ZNF41: variants seen among roughly 807,000 people sequenced by gnomAD.
ZNF41 encodes the protein zinc finger protein 41.
A neutral mutation model predicts 9.3 loss-of-function variants in ZNF41; 6 were observed. The observed-to-expected ratio is 0.65, with a 90% CI of 0.35 to 1.28. The LOEUF (loss-of-function observed/expected upper bound fraction) is 1.28. Among genes scored for constraint, ZNF41 ranks in the 50% most tolerant of loss-of-function variants. The pLI is 0.03. For missense variants in ZNF41, 523 were observed against 585.8 expected, an observed-to-expected ratio of 0.89 and a Z score of 1.11; for synonymous variants, 192 against 207.1, an observed-to-expected ratio of 0.93 and a Z score of 0.63.
At position 47,445,981 on chromosome X, in the gene ZNF41, GGGGCTTGCCTGGAA is replaced by G. The variant is rs1043957134; in HGVS notation, c.*1435_*1448del. The G allele has an allele frequency of 9.0e-6, 1 of 111,165 alleles. No homozygotes were observed. The highest frequency in any genetic ancestry group is 3.3e-5 in the African/African-American group (1 of 30,589). 9.2% of individuals were successfully genotyped at this position (111,165 alleles called of 1,213,427 possible). ...GAAGCCAGGATAATGTATACCCTTG[GGGGCTTGCCTGGAA>G]GGGAAAGTGGGGAAGGCTTCTGGGG... is the stretch of plus-strand genomic sequence containing the variant. On this transcript the variant is annotated 3_prime_UTR_variant, in exon 5 of 5. Transcript: ENST00000684689.
chrX:47,479,410 C>A (rs1439921874), intron 1 of ZNF41, among the ~76,000 whole-genome samples: 1 of 111,494 alleles, frequency 9.0e-6, no homozygotes, highest in Non-Finnish European at 1.9e-5. Flanking sequence ...TAGCAAATAC[C>A]CTCTATTAAA....
intron 2 of ZNF41, among the ~76,000 whole-genome samples, chrX:47,466,784 T>C (rs1211519095): frequency 9.0e-6 from 1 of 111,013 alleles, no homozygotes; most frequent in Non-Finnish European, 1.9e-5. Flanking sequence ...CTCCCAAAGG[T>C]GCTGGGATTA....
intron 1 of ZNF41, among the ~76,000 whole-genome samples, chrX:47,469,736 G>A (rs2057123715): frequency 9.0e-6 from 1 of 111,280 alleles, no homozygotes; most frequent in African/African-American, 3.3e-5. Flanking sequence ...CAGGCGTGGT[G>A]GCACGCACCT....
rs376588941 is a variant in ZNF41 at position 47,456,213 on chromosome X, C to T, written c.199+59G>A. 21 of 1,191,950 alleles carry T rather than the reference C, an allele frequency of 1.8e-5. No homozygotes were observed. The African/African-American group carries it at 2.3e-4, about 13-fold the overall frequency. ...CACATAGGTTAGGTGTCGGGCAGCA[C>T]TCAGCAGCCAAGAATGGAAATACCC... On this transcript the variant is annotated intron_variant, in intron 3 of 4. Transcript: ENST00000684689.
Position 47,446,544 on chromosome X carries a change from T to C in ZNF41, c.*886A>G, listed in dbSNP as rs2056120573. 1 of 109,716 alleles carries C rather than the reference T, an allele frequency of 9.1e-6. No individual in the cohort carries two copies. The highest frequency in any genetic ancestry group is 3.9e-4 in the South Asian group (1 of 2,551). 9.0% of individuals were successfully genotyped at this position (109,716 alleles called of 1,213,427 possible). ...GTGCCGTGGATCAGTTCCATTGTCG[T>C]AGGGTCAGTTACTGAGGGAATCAGG... On this transcript the variant is annotated 3_prime_UTR_variant, in exon 5 of 5. Transcript: ENST00000684689.
chrX:47,455,802 C>T, intron 4 of ZNF41, 119 bp downstream of exon 4: 3 of 682,877 alleles, frequency 4.4e-6, no homozygotes, highest in Non-Finnish European at 7.0e-6. Flanking sequence ...CCAATTGACT[C>T]CAAAAGTTTA....
chrX:47,460,732 G>GAA (rs1046853187), intron 2 of ZNF41, among the ~76,000 whole-genome samples: 5 of 112,129 alleles, frequency 4.5e-5, no homozygotes, highest in African/African-American at 1.6e-4. Flanking sequence ...AGTCTTAAAT[G>GAA]AAAAAGACTG....
intron 4 of ZNF41, among the ~76,000 whole-genome samples, chrX:47,452,803 G>A (rs2056417361): frequency 9.0e-6 from 1 of 111,251 alleles, no homozygotes; most frequent in African/African-American, 3.3e-5. Flanking sequence ...TGTTGGCCAG[G>A]ATGGTCTTGA....
Position 47,449,156 on chromosome X carries a change from T to G in ZNF41, c.614A>C (p.His205Pro). ...ILKHTLNSHN[H>P]NRNSATKNLG... ...GTTCTTTGTTGCACTGTTTCTATTA[T>G]GATTATGTGAGTTTAAAGTATGCTT... The change falls in exon 5 of 5, where the codon CAT (histidine) becomes CCT (proline). Residue 205 changes from histidine to proline, a missense_variant. Transcript: ENST00000684689. 1 of 1,211,831 alleles carries G rather than the reference T, an allele frequency of 8.3e-7. No homozygotes were observed. The highest frequency in any genetic ancestry group is 1.1e-6 in the Non-Finnish European group (1 of 895,486).
intron 4 of ZNF41, among the ~76,000 whole-genome samples, chrX:47,449,872 C>T (rs763798991): frequency 8.9e-6 from 1 of 111,742 alleles, no homozygotes; most frequent in African/African-American, 3.2e-5. Context: ...TCCAGCTCCA[C>T]TATGTAAGAG....
At chrX:47,461,498 C>T (rs1485758678) in intron 2 of ZNF41, among the ~76,000 whole-genome samples, 1 of 107,016 alleles carries the variant, frequency 9.3e-6, no homozygotes, top group Non-Finnish European at 1.9e-5. Flanking sequence ...GCAACCTCTG[C>T]CTCCCGGGTT....
chrX:47,477,606 A>G (rs1301767124), intron 1 of ZNF41, among the ~76,000 whole-genome samples: 2 of 112,623 alleles, frequency 1.8e-5, no homozygotes. Context: ...CTTTTTCACA[A>G]CTTAAGTATT....
intron 2 of ZNF41, among the ~76,000 whole-genome samples, chrX:47,460,195 G>A (rs774997422): frequency 6.2e-5 from 7 of 112,201 alleles, no homozygotes; most frequent in Non-Finnish European, 9.4e-5. Context: ...AGCCTGGAAG[G>A]TGGAGGCTGC....
At chrX:47,462,126 T>C (rs1355012952) in intron 2 of ZNF41, among the ~76,000 whole-genome samples, 3 of 111,028 alleles carry the variant, frequency 2.7e-5, no homozygotes, top group African/African-American at 9.8e-5. Flanking sequence ...CTCAGCCTCC[T>C]GAATAGCTGA....
At chrX:47,459,694 T>C (rs1217793449) in intron 2 of ZNF41, among the ~76,000 whole-genome samples, 1 of 89,062 alleles carries the variant, frequency 1.1e-5, no homozygotes, top group Non-Finnish European at 2.1e-5. Flanking sequence ...CAGTGAACCA[T>C]GACTGTGCCA....
chrX:47,461,193 G>A (rs1238653511), intron 2 of ZNF41, among the ~76,000 whole-genome samples: 3 of 105,386 alleles, frequency 2.8e-5, no homozygotes, highest in Middle Eastern at 9.5e-3. Context: ...TACCTCCCGG[G>A]TTCAAGTGAT....
intron 4 of ZNF41, among the ~76,000 whole-genome samples, chrX:47,452,328 G>A (rs1391045345): frequency 9.1e-6 from 1 of 109,504 alleles, no homozygotes. Flanking sequence ...TGTACAGTCA[G>A]CAGCACCCAA....
chrX:47,465,742 G>A (rs1194750372), intron 2 of ZNF41, among the ~76,000 whole-genome samples: 1 of 110,631 alleles, frequency 9.0e-6, no homozygotes, highest in Non-Finnish European at 1.9e-5. Context: ...AGGAGGTTGA[G>A]GCTGCAGTAA....
intron 1 of ZNF41, chrX:47,482,594 G>GGTGC (rs2147874456): frequency 1.1e-5 from 1 of 87,369 alleles, no homozygotes; most frequent in East Asian, 3.3e-4. Context: ...ACACCGCGCC[G>GGTGC]GTGCGTGCGT....
Sources: allele counts gnomAD v4.1 joint callset (sites outside exome capture counted in the v4.1 genomes callset), GRCh38; gene constraint gnomAD v4.1.1; transcripts MANE v1.5; gene names NCBI Gene and HGNC (gene_info 2026-07-23, HGNC 2026-07-21).